NFIA: variants seen among roughly 807,000 people sequenced by gnomAD.
The protein encoded by NFIA is nuclear factor I A, also known as nuclear factor 1 A-type.
NFIA carries 8 observed loss-of-function variants against 62.8 expected under a neutral mutation model. That is an observed-to-expected ratio of 0.13 (90% CI 0.07 to 0.23). NFIA has a LOEUF of 0.23. NFIA is among the 10% of genes least tolerant of loss of function. The pLI is 1.00. For synonymous variants in NFIA, 235 were observed against 238.1 expected, an observed-to-expected ratio of 0.99 and a Z score of 0.12; for missense variants, 410 against 642.1, an observed-to-expected ratio of 0.64 and a Z score of 3.91.
At chr1:61,349,363 A>G (rs1256307297) in intron 4 of NFIA, among the ~76,000 whole-genome samples, 1 of 152,108 alleles carries the variant, frequency 6.6e-6, no homozygotes, top group Non-Finnish European at 1.5e-5. Flanking sequence ...GTTGTGATTA[A>G]GGTTTATTCA....
intron 6 of NFIA, among the ~76,000 whole-genome samples, chr1:61,366,331 T>C (rs1224341122): frequency 6.6e-6 from 1 of 152,144 alleles, no homozygotes; most frequent in Non-Finnish European, 1.5e-5. Flanking sequence ...AAAAATGAAA[T>C]TACAGTACTT....
At chr1:61,379,822 A>G (rs988789262) in intron 6 of NFIA, among the ~76,000 whole-genome samples, 8 of 152,120 alleles carry the variant, frequency 5.3e-5, no homozygotes, top group Non-Finnish European at 8.8e-5. Flanking sequence ...CACAGTGCTG[A>G]GATTATAGAC....
chr1:61,361,931 T>C (rs956230583), intron 6 of NFIA, among the ~76,000 whole-genome samples: 2 of 152,060 alleles, frequency 1.3e-5, no homozygotes, highest in Non-Finnish European at 2.9e-5. Context: ...TTTCATGGTA[T>C]ATGTTTATAG....
intron 10 of NFIA, among the ~76,000 whole-genome samples, chr1:61,444,483 G>C (rs2100579198): frequency 6.6e-6 from 1 of 152,298 alleles, no homozygotes; most frequent in East Asian, 1.9e-4. Flanking sequence ...AGTTCAGAGG[G>C]AGCACATGTA....
chr1:61,235,502 AT>A (rs1308082983), intron 2 of NFIA, among the ~76,000 whole-genome samples: 4 of 145,642 alleles, frequency 2.7e-5, no homozygotes, highest in Non-Finnish European at 4.5e-5. Context: ...AAATAAATAA[AT>A]AAAAATAAAA....
At chr1:61,414,069 A>G (rs549911505) in intron 9 of NFIA, among the ~76,000 whole-genome samples, 1 of 151,944 alleles carries the variant, frequency 6.6e-6, no homozygotes, top group South Asian at 2.1e-4. Context: ...TGCAATCTCC[A>G]TCTTTCTGGT....
intron 9 of NFIA, 48 bp downstream of exon 9, chr1:61,406,775 A>C (rs367793753): frequency 3.8e-5 from 57 of 1,507,470 alleles, no homozygotes; most frequent in Non-Finnish European, 4.7e-5. Context: ...AGCTGTATGC[A>C]CTGGAATCCA....
intron 4 of NFIA, among the ~76,000 whole-genome samples, chr1:61,338,670 G>A (rs1211703753): frequency 6.6e-6 from 1 of 152,194 alleles, no homozygotes; most frequent in Non-Finnish European, 1.5e-5. Flanking sequence ...AAACTCTTGG[G>A]TAGGAACAAG....
At chr1:61,204,567 A>G (rs140800761) in intron 2 of NFIA, among the ~76,000 whole-genome samples, 404 of 152,162 alleles carry the variant, frequency 2.7e-3, no homozygotes, top group African/African-American at 9.3e-3. Flanking sequence ...ATTTGTATCT[A>G]TATTCCTTAT....
chr1:61,360,316 G>A (rs1229255583), intron 6 of NFIA, among the ~76,000 whole-genome samples: 1 of 152,168 alleles, frequency 6.6e-6, no homozygotes, highest in South Asian at 2.1e-4. Context: ...AAGTCCAATG[G>A]GTATAAAGGA....
At position 61,359,222 on chromosome 1, in the gene NFIA, G is replaced by T; in HGVS notation, c.894G>T (p.Gly298=). Residue 298 remains glycine (G), a synonymous_variant, in exon 6 of 11, where the codon GGG becomes GGT. Transcript: ENST00000403491. ...AGGAGCCATTTTATACAGGCCAAGG[G>T]CGCTCCCCAGGAAGTGGCAGTCAGT... The part of the protein sequence containing the change: ...PGEEPFYTGQ[G]RSPGSGSQSS... The T allele has an allele frequency of 6.2e-7, 1 of 1,612,940 alleles. No homozygotes were observed. Among genetic ancestry groups the T allele is most frequent in the Non-Finnish European group, 8.5e-7 (1 of 1,179,988 alleles).
intron 3 of NFIA, among the ~76,000 whole-genome samples, chr1:61,278,051 GA>G (rs5774550): frequency 0.64 from 95,604 of 149,464 alleles, 32,184 homozygotes; most frequent in African/African-American, 0.89. Context: ...ATTCCTTTAA[GA>G]AAAAAAAAAA....
At chr1:61,132,548 A>C (rs1647099552) in intron 2 of NFIA, 1 of 152,196 alleles carries the variant, frequency 6.6e-6, no homozygotes, top group African/African-American at 2.4e-5. Flanking sequence ...TTAAGCCACA[A>C]AGATAGTGTC....
chr1:61,385,704 A>G (rs7550597), intron 7 of NFIA, among the ~76,000 whole-genome samples: 12,342 of 152,184 alleles, frequency 0.081, 697 homozygotes, highest in African/African-American at 0.16. Context: ...GACTAAGCAC[A>G]TTTTCTAAAA....
intron 1 of NFIA, among the ~76,000 whole-genome samples, chr1:61,084,273 C>T (rs1035414869): frequency 1.3e-5 from 2 of 152,208 alleles, no homozygotes; most frequent in Non-Finnish European, 1.5e-5. Flanking sequence ...TCCCACATGA[C>T]ATCCCTTCTT....
chr1:61,344,950 G>A (rs1205940007), intron 4 of NFIA, among the ~76,000 whole-genome samples: 2 of 152,174 alleles, frequency 1.3e-5, no homozygotes, highest in Admixed American at 6.5e-5. Context: ...CTACTAATGT[G>A]TACAGAAGAG....
intron 9 of NFIA, among the ~76,000 whole-genome samples, chr1:61,424,318 A>C (rs1666767495): frequency 6.6e-6 from 1 of 152,076 alleles, no homozygotes. Flanking sequence ...TGCTATAGTG[A>C]AGCTATCTTC....
intron 10 of NFIA, among the ~76,000 whole-genome samples, chr1:61,454,655 C>T (rs570954802): frequency 6.6e-6 from 1 of 152,146 alleles, no homozygotes; most frequent in Non-Finnish European, 1.5e-5. Context: ...CTCATAAAAT[C>T]CTACATATGT....
At chr1:61,229,335 T>C (rs1654526072) in intron 2 of NFIA, among the ~76,000 whole-genome samples, 1 of 152,172 alleles carries the variant, frequency 6.6e-6, no homozygotes, top group Non-Finnish European at 1.5e-5. Flanking sequence ...TGAAAATAAA[T>C]ATCTTTTGTA....
Sources: allele counts gnomAD v4.1 joint callset (sites outside exome capture counted in the v4.1 genomes callset), GRCh38; gene constraint gnomAD v4.1.1; transcripts MANE v1.5; gene names NCBI Gene and HGNC (gene_info 2026-07-23, HGNC 2026-07-21).